The following RPTOR variants were observed in gnomAD, a reference collection of about 807,000 sequenced individuals.
The protein encoded by RPTOR is regulatory associated protein of MTOR complex 1.
RPTOR carries 21 observed loss-of-function variants against 169.9 expected under a neutral mutation model. That is an observed-to-expected ratio of 0.12 (90% CI 0.09 to 0.18). The LOEUF (loss-of-function observed/expected upper bound fraction) is 0.18. RPTOR is among the 10% of genes least tolerant of loss of function. RPTOR has a pLI of 1.00. For missense variants in RPTOR, 1,133 were observed against 1,855.9 expected, an observed-to-expected ratio of 0.61 and a Z score of 7.16; for synonymous variants, 732 against 753.2, an observed-to-expected ratio of 0.97 and a Z score of 0.46.
intron 5 of RPTOR, among the ~76,000 whole-genome samples, chr17:80,737,227 G>T (rs774797966): frequency 6.6e-6 from 1 of 152,168 alleles, no homozygotes; most frequent in African/African-American, 2.4e-5. Flanking sequence ...CCATCACTGC[G>T]TGTCTGTGAC....
In RPTOR at chr17:80,924,920, G is replaced by A. The variant is rs112057328; in HGVS notation, c.2809-450G>A. 4.6e-5 allele frequency among the ~76,000 whole-genome samples: 7 copies of A among 152,326 alleles called. 1 individual carries two copies. Among genetic ancestry groups the A allele is most frequent in the African/African-American group, 4.8e-5 (2 of 41,572 alleles). On this transcript the variant is annotated intron_variant, in intron 23 of 33. Coordinates refer to ENST00000306801, the MANE Select transcript of RPTOR (RefSeq NM_020761.3). ...TCTCCAGTAGCTGGGAGCTCCAGCC[G>A]GCCTGCAAAGCTGTGCGCTCCGTCC...
intron 6 of RPTOR, among the ~76,000 whole-genome samples, chr17:80,776,114 A>C (rs2066889474): frequency 6.6e-6 from 1 of 152,174 alleles, no homozygotes; most frequent in African/African-American, 2.4e-5. Context: ...TGGGAGGGTC[A>C]CTTGAGCCCA....
chr17:80,622,324 G>A (rs2065360578), intron 1 of RPTOR, among the ~76,000 whole-genome samples: 1 of 152,202 alleles, frequency 6.6e-6, no homozygotes, highest in South Asian at 2.1e-4. Context: ...CCACAGAAAC[G>A]TTTCCAGGAA....
intron 1 of RPTOR, among the ~76,000 whole-genome samples, chr17:80,601,560 T>TTTTTTTTTTTTC (rs2065187926): frequency 1.8e-5 from 1 of 54,198 alleles, no homozygotes; most frequent in Non-Finnish European, 3.7e-5. Flanking sequence ...TCAGTCTTTT[T>TTTTTTTTTTTTC]TTTTTTTTTT....
At chr17:80,913,182 CAG>C (rs1053168625) in intron 21 of RPTOR, among the ~76,000 whole-genome samples, 1 of 152,144 alleles carries the variant, frequency 6.6e-6, no homozygotes, top group Admixed American at 6.5e-5. Flanking sequence ...TTTCATTTTA[CAG>C]AGAAACGAGC....
chr17:80,722,777 C>A (rs34084509), intron 4 of RPTOR, among the ~76,000 whole-genome samples: 13,190 of 151,280 alleles, frequency 0.087, 856 homozygotes, highest in Middle Eastern at 0.13. Context: ...CTCAGCACAG[C>A]GATCAAATCT....
rs146634194 is a variant in RPTOR at position 80,818,647 on chromosome 17, G to C, written c.891-3554G>C. 1.4e-3 allele frequency among the ~76,000 whole-genome samples: 217 copies of C among 152,326 alleles called. 1 individual carries two copies. Among genetic ancestry groups the C allele is most frequent in the African/African-American group, 4.9e-3 (205 of 41,562 alleles). On this transcript the variant is annotated intron_variant, in intron 7 of 33. Transcript: ENST00000306801. ...CCTCATCAGCTTTTGCTCACTGGAT[G>C]GTTGGTTCATCGACTTGAATGATTT...
intron 1 of RPTOR, among the ~76,000 whole-genome samples, chr17:80,551,031 G>C (rs1391020325): frequency 1.3e-5 from 2 of 152,146 alleles, no homozygotes; most frequent in Non-Finnish European, 2.9e-5. Context: ...GGGACTACCA[G>C]TGCATGACAC....
intron 28 of RPTOR, 33 bp downstream of exon 28, chr17:80,949,580 T>G (rs772418428): frequency 6.3e-7 from 1 of 1,575,422 alleles, no homozygotes; most frequent in South Asian, 1.1e-5. Flanking sequence ...CAGAGCAGAA[T>G]GTGTTCCCGG....
intron 6 of RPTOR, among the ~76,000 whole-genome samples, chr17:80,759,315 C>T (rs1314864085): frequency 1.3e-5 from 2 of 152,150 alleles, no homozygotes; most frequent in Non-Finnish European, 2.9e-5. Flanking sequence ...GATGTGTCAT[C>T]CCAGTAGCCC....
In RPTOR at chr17:80,949,438, C is replaced by G; in HGVS notation, c.3266-5C>G. 1 of 1,611,966 alleles carries G rather than the reference C, an allele frequency of 6.2e-7. No individual in the cohort carries two copies. The highest frequency in any genetic ancestry group is 8.5e-7 in the Non-Finnish European group (1 of 1,178,022). ...GTTCACATCCTTTCCTCTCTCCCTC[C>G]CCAGACGATGGTGCCATCAGGGTCT... On this transcript the variant is annotated splice_region_variant and splice_polypyrimidine_tract_variant and intron_variant, in intron 27 of 33. Coordinates refer to ENST00000306801, the MANE Select transcript of RPTOR (RefSeq NM_020761.3).
chr17:80,864,209 A>C (rs867274081), intron 13 of RPTOR, among the ~76,000 whole-genome samples: 2 of 151,634 alleles, frequency 1.3e-5, no homozygotes, highest in African/African-American at 4.8e-5. Context: ...TACTTGAAAA[A>C]CAGTGAGAAA....
chr17:80,827,462 G>A (rs928944828), intron 9 of RPTOR, among the ~76,000 whole-genome samples: 1 of 152,326 alleles, frequency 6.6e-6, no homozygotes, highest in South Asian at 2.1e-4. Context: ...CCTTAGCTTG[G>A]CCTCCCACCA....
intron 6 of RPTOR, among the ~76,000 whole-genome samples, chr17:80,767,334 G>A (rs955944454): frequency 6.6e-6 from 1 of 152,180 alleles, no homozygotes; most frequent in African/African-American, 2.4e-5. Flanking sequence ...TCACGTCACT[G>A]TGGTCCAGCA....
chr17:80,634,403 CGTGTGTGTGTGCATACCGT>C (rs2065475354), intron 2 of RPTOR, among the ~76,000 whole-genome samples: 15 of 30,636 alleles, frequency 4.9e-4, no homozygotes, highest in South Asian at 1.2e-3. Context: ...GTGTGCATAC[CGTGTGTGTGTGCATACCGT>C]GTGTGTGTGC....
At chr17:80,765,939 A>G (rs763888546) in intron 6 of RPTOR, among the ~76,000 whole-genome samples, 1 of 152,234 alleles carries the variant, frequency 6.6e-6, no homozygotes, top group African/African-American at 2.4e-5. Flanking sequence ...CTAAAACAGT[A>G]TTAGAATTCC....
intron 1 of RPTOR, among the ~76,000 whole-genome samples, chr17:80,566,328 T>C (rs1045195003): frequency 6.6e-6 from 1 of 152,342 alleles, no homozygotes; most frequent in Non-Finnish European, 1.5e-5. Flanking sequence ...CTGTGTGTGC[T>C]GTTATGGAGA....
At chr17:80,796,155 T>C (rs948319335) in intron 7 of RPTOR, among the ~76,000 whole-genome samples, 3 of 152,208 alleles carry the variant, frequency 2.0e-5, no homozygotes, top group Admixed American at 6.5e-5. Context: ...TGCCTGAGAC[T>C]GGGTGTATTA....
In RPTOR at chr17:80,840,614, CACA is replaced by C. The variant is rs1232787439; in HGVS notation, c.1212+2618_1212+2620del. ...TCACCGCACGGCAGCTCACTCTCAC[CACA>C]CCACAGCTCACTCTCACCGCACGGC... On this transcript the variant is annotated intron_variant, in intron 10 of 33. Transcript: ENST00000306801. Among the ~76,000 whole-genome samples, 12 of 10,574 alleles carry C rather than the reference CACA, an allele frequency of 1.1e-3. 1 individual carries two copies. Among genetic ancestry groups the C allele is most frequent in the Non-Finnish European group, 5.1e-3 (8 of 1,580 alleles). 6.9% of individuals were successfully genotyped at this position (10,574 alleles called of 152,430 possible). A position where few individuals can be genotyped will look rare whatever the true frequency, so the allele number is the denominator to read the frequency against.
Sources: gnomAD v4.1 joint callset for allele counts (sites outside exome capture counted in the v4.1 genomes callset) on GRCh38, gnomAD v4.1.1 for gene constraint, MANE v1.5 for transcripts, NCBI Gene and HGNC (gene_info 2026-07-23, HGNC 2026-07-21) for gene names.